The following TNRC6A variants were observed in gnomAD, a reference collection of about 807,000 sequenced individuals.
The protein encoded by TNRC6A is trinucleotide repeat-containing gene 6A protein.
TNRC6A carries 44 observed loss-of-function variants against 221.2 expected under a neutral mutation model. The ratio of observed to expected loss-of-function variants is 0.20; its 90% CI spans 0.16 to 0.26. The LOEUF (loss-of-function observed/expected upper bound fraction) is 0.26, where lower values mean the gene tolerates loss of function less well. TNRC6A is among the 10% of genes least tolerant of loss of function. The pLI, the probability that TNRC6A is intolerant of heterozygous loss-of-function variation, is 1.00. For missense variants in TNRC6A, 2,199 were observed against 2,404.4 expected, an observed-to-expected ratio of 0.91 and a Z score of 1.79; for synonymous variants, 847 against 838.5, an observed-to-expected ratio of 1.01 and a Z score of -0.18.
intron 6 of TNRC6A, among the ~76,000 whole-genome samples, chr16:24,792,270 A>G (rs1238125974): frequency 1.3e-5 from 2 of 152,278 alleles, no homozygotes; most frequent in African/African-American, 2.4e-5. Context: ...GATACAGTAT[A>G]TATGTTTGTG....
Position 24,818,690 on chromosome 16 carries a change from A to T in TNRC6A, c.5070A>T (p.Gln1690His), listed in dbSNP as rs141549721. ...NYNVPLSSTA[Q>H]STSARNSDSK... ...ACGTTCCCCTCAGCAGTACAGCACA[A>T]AGCACTTCAGGTGGGCCTCGCCTTC... The change falls in exon 21 of 25, where the codon CAA becomes CAT. Residue 1690 changes from glutamine (Q) to histidine (H), a missense_variant. By Grantham distance (24) the Gln-to-His change is conservative. Transcript: ENST00000395799. 1.9e-6 allele frequency: 3 copies of T among 1,614,028 alleles called. 1 individual carries two copies. Among genetic ancestry groups the T allele is most frequent in the Admixed American group, 1.7e-5 (1 of 60,020 alleles).
At chr16:24,795,633 T>G in intron 8 of TNRC6A, 1 of 380,602 alleles carries the variant, frequency 2.6e-6, no homozygotes, top group Non-Finnish European at 4.7e-6. Flanking sequence ...CCTGCCATTT[T>G]CATTTTTAAA....
At position 24,771,582 on chromosome 16, in the gene TNRC6A, T is replaced by TTGTGATGTGA. The variant is rs1555502170; in HGVS notation, c.164-5348_164-5347insGATGTGATGT. On this transcript the variant is annotated intron_variant, in intron 4 of 24. Coordinates refer to ENST00000395799, the MANE Select transcript of TNRC6A (RefSeq NM_014494.4). ...ATGTTTTATGTTATGTTATGTTATG[T>TTGTGATGTGA]TGTTATGTTATGTTATGTTATGTTA... 4.2e-5 allele frequency among the ~76,000 whole-genome samples: 4 copies of TTGTGATGTGA among 95,552 alleles called. No individual in the cohort carries two copies. The South Asian group carries it at 1.4e-3, about 33-fold the overall frequency. The allele number at this position is 95,552 out of a possible 152,430, so 62.7% of individuals were successfully genotyped here. A position where few individuals can be genotyped will look rare whatever the true frequency, so the allele number is the denominator to read the frequency against.
At chr16:24,684,965 C>T (rs1378395142) in intron 2 of TNRC6A, among the ~76,000 whole-genome samples, 1 of 152,068 alleles carries the variant, frequency 6.6e-6, no homozygotes, top group Admixed American at 6.6e-5. Context: ...TAAAAGCTAC[C>T]CTGGTCCCTA....
chr16:24,631,022 G>GAA (rs779255609), intron 1 of TNRC6A, among the ~76,000 whole-genome samples: 1 of 135,954 alleles, frequency 7.4e-6, no homozygotes. Flanking sequence ...AGGGAAGAAA[G>GAA]AAAAAAAAAA....
At chr16:24,622,355 C>T (rs1357243440) in intron 1 of TNRC6A, among the ~76,000 whole-genome samples, 1 of 152,156 alleles carries the variant, frequency 6.6e-6, no homozygotes, top group Non-Finnish European at 1.5e-5. Flanking sequence ...AATCGTGGCA[C>T]TTTGGGAGGC....
chr16:24,791,274 A>C lies in TNRC6A; in HGVS notation c.2632A>C (p.Ser878Arg). The C allele has an allele frequency of 6.2e-7, 1 of 1,613,810 alleles. No individual in the cohort carries two copies. The highest frequency in any genetic ancestry group is 8.5e-7 in the Non-Finnish European group (1 of 1,179,818). Residue 878 changes from serine (S) to arginine (R), a missense_variant, in exon 6 of 25, where the codon AGT becomes CGT. Physicochemically the swap from Ser to Arg is moderately radical, Grantham distance 110. Transcript: ENST00000395799. Reference sequence around the variant, plus strand: ...CAATAAGAAATCCAGCTCAGGAGGTAGTGACAGTGACAGGTCCGTTTCCGG... The same window carrying C: ...CAATAAGAAATCCAGCTCAGGAGGTCGTGACAGTGACAGGTCCGTTTCCGG... ...EANKKSSSGG[S>R]DSDRSVSGWN... is the part of the protein sequence containing the mutation.
chr16:24,661,086 AT>A (rs894574801), intron 2 of TNRC6A, among the ~76,000 whole-genome samples: 4 of 151,274 alleles, frequency 2.6e-5, no homozygotes, highest in Non-Finnish European at 5.9e-5. Context: ...TTTAAGAAAA[AT>A]TTTTTTTCAA....
chr16:24,760,835 A>G (rs1380217503), intron 4 of TNRC6A, among the ~76,000 whole-genome samples: 3 of 152,198 alleles, frequency 2.0e-5, no homozygotes, highest in Admixed American at 6.6e-5. Flanking sequence ...AGCATCTTAC[A>G]TTACCATGGT....
chr16:24,809,775 A>G (rs1235074657), intron 18 of TNRC6A, among the ~76,000 whole-genome samples: 3 of 152,172 alleles, frequency 2.0e-5, no homozygotes, highest in Non-Finnish European at 2.9e-5. Context: ...TTATATTATT[A>G]CACTTATTAA....
At chr16:24,736,395 T>C (rs1038678488) in intron 2 of TNRC6A, among the ~76,000 whole-genome samples, 1 of 152,214 alleles carries the variant, frequency 6.6e-6, no homozygotes, top group Non-Finnish European at 1.5e-5. Flanking sequence ...CAATTCTGTC[T>C]GGTCCCTATT....
chr16:24,777,361 G>A lies in TNRC6A; in HGVS notation c.589+3G>A. 1 of 1,603,576 alleles carries A rather than the reference G, an allele frequency of 6.2e-7. No homozygotes were observed. The highest frequency in any genetic ancestry group is 8.5e-7 in the Non-Finnish European group (1 of 1,176,578). On this transcript the variant is annotated splice_donor_region_variant and intron_variant, in intron 5 of 24. Transcript: ENST00000395799. ...GCAGAACAGCAAAAACCAGTCAGGT[G>A]AGAGAAGGCATTTCTTACGAGACTC...
chr16:24,746,269 C>G (rs960527336), intron 2 of TNRC6A, among the ~76,000 whole-genome samples: 2 of 152,104 alleles, frequency 1.3e-5, no homozygotes, highest in Non-Finnish European at 2.9e-5. Flanking sequence ...TAAAAAAAAT[C>G]ATGTTTCCTA....
rs1267830684 is a variant in TNRC6A, at chr16:24,804,264, C to G, written c.3782C>G (p.Ser1261Cys). 1 of 1,613,684 alleles carries G rather than the reference C, an allele frequency of 6.2e-7. No individual in the cohort carries two copies. Among genetic ancestry groups the G allele is most frequent in the East Asian group, 2.2e-5 (1 of 44,882 alleles). ...CGAACGGTCGGGAAAGGCCCTGGTT[C>G]TCGGCCTCAGATTTCCAAAGAGTCT... ...YNRTVGKGPG[S>C]RPQISKESSM... Residue 1261 changes from serine to cysteine, a missense_variant, in exon 12 of 25, where the codon TCT (serine) becomes TGT (cysteine). This residue lies in a region of TNRC6A where 158 missense variants were observed against 159.1 expected (regional missense o/e 0.99). Transcript: ENST00000395799.
At chr16:24,746,533 C>T (rs2057014452) in intron 2 of TNRC6A, among the ~76,000 whole-genome samples, 1 of 152,212 alleles carries the variant, frequency 6.6e-6, no homozygotes, top group South Asian at 2.1e-4. Flanking sequence ...GGTGTGATTA[C>T]AGGATGATTT....
At chr16:24,625,802 C>T (rs1010556683) in intron 1 of TNRC6A, among the ~76,000 whole-genome samples, 1 of 150,616 alleles carries the variant, frequency 6.6e-6, no homozygotes, top group Non-Finnish European at 1.5e-5. Context: ...ATCCCAGCTA[C>T]TCAGGAGGCT....
rs981641328 is a variant in TNRC6A, at chr16:24,713,455, A to T, written n.403-37271A>T. Among the ~76,000 whole-genome samples, 122 of 92,006 alleles carry T rather than the reference A, an allele frequency of 1.3e-3. 1 individual carries two copies. The highest frequency in any genetic ancestry group is 2.1e-3 in the Admixed American group (18 of 8,602). 60.4% of individuals were successfully genotyped at this position (92,006 alleles called of 152,430 possible). On this transcript the variant is annotated intron_variant and non_coding_transcript_variant, in intron 2 of 2. Coordinates refer to the TNRC6A transcript ENST00000566108. ...AAACAAACAAACAAACAAACAAAAAAATATATATATATATATGTTACCTTT... is the reference window on the plus strand; with the variant it reads ...AAACAAACAAACAAACAAACAAAAATATATATATATATATATGTTACCTTT...
chr16:24,786,816 G>C (rs925324247), intron 5 of TNRC6A, among the ~76,000 whole-genome samples: 2 of 152,114 alleles, frequency 1.3e-5, no homozygotes, highest in African/African-American at 4.8e-5. Context: ...TGAGTAGCTG[G>C]GACTGCAGGC....
At chr16:24,810,239 G>A (rs994477056) in intron 18 of TNRC6A, among the ~76,000 whole-genome samples, 5 of 152,112 alleles carry the variant, frequency 3.3e-5, no homozygotes, top group East Asian at 1.9e-4. Context: ...TAGAAATGCC[G>A]TTTTCATCTT....
Sources: gnomAD v4.1 joint callset for allele counts (sites outside exome capture counted in the v4.1 genomes callset) on GRCh38, gnomAD v4.1.1 for gene constraint, gnomAD v4.1.1 regional missense constraint, MANE v1.5 for transcripts, NCBI Gene and HGNC (gene_info 2026-07-23, HGNC 2026-07-21) for gene names.